The following CREB5 variants were observed in gnomAD, a reference collection of about 807,000 sequenced individuals.
CREB5 encodes the protein cAMP responsive element binding protein 5.
In CREB5, 19 loss-of-function variants were observed where a neutral mutation model predicts 57.1. That is an observed-to-expected ratio of 0.33 (90% CI 0.23 to 0.49). The LOEUF (loss-of-function observed/expected upper bound fraction) is 0.49. Ranked by LOEUF, CREB5 falls within the 20% of genes least tolerant of loss-of-function variation. The pLI, the probability that CREB5 is intolerant of heterozygous loss-of-function variation, is 0.99. For missense variants in CREB5, 579 were observed against 671.6 expected, an observed-to-expected ratio of 0.86 and a Z score of 1.52; for synonymous variants, 238 against 238.3, an observed-to-expected ratio of 1.00 and a Z score of 0.01.
intron 1 of CREB5, among the ~76,000 whole-genome samples, chr7:28,390,169 G>A (rs775316495): frequency 2.0e-5 from 3 of 151,966 alleles, no homozygotes; most frequent in Non-Finnish European, 2.9e-5. Context: ...TTATTATGAG[G>A]CAATTGATGA....
At chr7:28,606,841 T>A (rs570906668) in intron 5 of CREB5, among the ~76,000 whole-genome samples, 2 of 152,324 alleles carry the variant, frequency 1.3e-5, no homozygotes, top group East Asian at 3.9e-4. Context: ...TTAATTGACA[T>A]GTAATTTTAC....
At chr7:28,498,432 C>A (rs1483978651) in intron 3 of CREB5, among the ~76,000 whole-genome samples, 1 of 152,234 alleles carries the variant, frequency 6.6e-6, no homozygotes, top group African/African-American at 2.4e-5. Context: ...TGGAAAATCA[C>A]TTTATCCTTA....
intron 5 of CREB5, among the ~76,000 whole-genome samples, chr7:28,691,264 A>G (rs1453464931): frequency 6.6e-6 from 1 of 152,042 alleles, no homozygotes; most frequent in Non-Finnish European, 1.5e-5. Context: ...TACTAAAACT[A>G]CAAAACTTAG....
intron 5 of CREB5, among the ~76,000 whole-genome samples, chr7:28,706,546 AG>A (rs1802115655): frequency 6.6e-6 from 1 of 152,224 alleles, no homozygotes; most frequent in South Asian, 2.1e-4. Flanking sequence ...CCAGTCCATG[AG>A]TAGCTTGGAA....
At chr7:28,326,153 T>TTATCTATCTATC (rs58259868) in intron 1 of CREB5, among the ~76,000 whole-genome samples, 18 of 146,210 alleles carry the variant, frequency 1.2e-4, no homozygotes, top group Middle Eastern at 3.4e-3. Context: ...CACACACACA[T>TTATCTATCTATC]TATCTATCTA....
chr7:28,592,508 G>T (rs181424682), intron 5 of CREB5, among the ~76,000 whole-genome samples: 2 of 152,274 alleles, frequency 1.3e-5, no homozygotes, highest in Non-Finnish European at 1.5e-5. Context: ...AGGGAGCAAG[G>T]GGGGGTTGAC....
intron 5 of CREB5, among the ~76,000 whole-genome samples, chr7:28,599,265 G>A (rs1044234423): frequency 2.0e-5 from 3 of 152,072 alleles, no homozygotes; most frequent in African/African-American, 7.2e-5. Context: ...GTGAAAGAGA[G>A]AGAGAGCAAG....
intron 4 of CREB5, among the ~76,000 whole-genome samples, chr7:28,508,760 G>A (rs538256981): frequency 2.0e-4 from 30 of 152,180 alleles, no homozygotes; most frequent in African/African-American, 7.0e-4. Flanking sequence ...CAAAATCTCA[G>A]TCAACTCGTT....
At chr7:28,548,878 A>G (rs1389509440) in intron 4 of CREB5, among the ~76,000 whole-genome samples, 2 of 152,216 alleles carry the variant, frequency 1.3e-5, no homozygotes, top group Non-Finnish European at 2.9e-5. Flanking sequence ...TTCTTCTGGC[A>G]TGCCTAGGCC....
chr7:28,804,616 C>CA, intron 8 of CREB5, 94 bp downstream of exon 8: 1 of 1,464,298 alleles, frequency 6.8e-7, no homozygotes, highest in Non-Finnish European at 9.4e-7. Context: ...TCTTGTTTGA[C>CA]AAGCCCAGGT....
intron 1 of CREB5, among the ~76,000 whole-genome samples, chr7:28,344,956 A>G (rs1786013748): frequency 6.6e-6 from 1 of 152,240 alleles, no homozygotes; most frequent in Non-Finnish European, 1.5e-5. Flanking sequence ...CATCTAGAAG[A>G]CATAATAATT....
At chr7:28,791,271 T>G (rs1486434218) in intron 7 of CREB5, among the ~76,000 whole-genome samples, 2 of 152,252 alleles carry the variant, frequency 1.3e-5, no homozygotes, top group Non-Finnish European at 2.9e-5. Context: ...TAAATACCAG[T>G]GCCCTTGGAT....
intron 1 of CREB5, among the ~76,000 whole-genome samples, chr7:28,343,566 T>C (rs1785977634): frequency 6.6e-6 from 1 of 152,238 alleles, no homozygotes; most frequent in Admixed American, 6.5e-5. Flanking sequence ...TTCCATTGTG[T>C]ATATCTGTAT....
chr7:28,379,498 G>A (rs550801721), intron 1 of CREB5, among the ~76,000 whole-genome samples: 4 of 152,224 alleles, frequency 2.6e-5, no homozygotes, highest in Non-Finnish European at 5.9e-5. Flanking sequence ...ATCAGATAAA[G>A]TAGATGTCAG....
At chr7:28,613,679 A>G (rs952441004) in intron 5 of CREB5, among the ~76,000 whole-genome samples, 2 of 152,194 alleles carry the variant, frequency 1.3e-5, no homozygotes, top group Non-Finnish European at 2.9e-5. Flanking sequence ...TTGATATTTC[A>G]TGATATTTGG....
intron 1 of CREB5, among the ~76,000 whole-genome samples, chr7:28,339,365 T>C (rs182627432): frequency 1.3e-5 from 2 of 152,306 alleles, no homozygotes; most frequent in Admixed American, 6.5e-5. Flanking sequence ...CCAGTAACAC[T>C]ACGATTCTTG....
chr7:28,698,899 C>T (rs1312428556), intron 5 of CREB5, among the ~76,000 whole-genome samples: 3 of 152,174 alleles, frequency 2.0e-5, no homozygotes, highest in Non-Finnish European at 4.4e-5. Context: ...CGGTGCACAT[C>T]GTCTGTATTC....
upstream of CREB5, among the ~76,000 whole-genome samples, chr7:28,411,174 C>A (rs1032138956): frequency 3.9e-5 from 6 of 152,172 alleles, no homozygotes; most frequent in Admixed American, 6.5e-5. Context: ...GAAATGTTTG[C>A]AAGCGTTATG....
At chr7:28,385,017 T>C (rs961192484) in intron 1 of CREB5, among the ~76,000 whole-genome samples, 1 of 152,216 alleles carries the variant, frequency 6.6e-6, no homozygotes, top group African/African-American at 2.4e-5. Flanking sequence ...AAAATCCAAG[T>C]ATTAACATTA....
Sources: allele counts gnomAD v4.1 joint callset (sites outside exome capture counted in the v4.1 genomes callset), GRCh38; gene constraint gnomAD v4.1.1; transcripts MANE v1.5; gene names NCBI Gene and HGNC (gene_info 2026-07-23, HGNC 2026-07-21).